The following DENND3 variants were observed in gnomAD, a reference collection of about 807,000 sequenced individuals.
DENND3 encodes DENN domain containing 3.
Under a neutral mutation model 135.1 loss-of-function variants are expected in DENND3, and 88 were observed. The observed-to-expected ratio is 0.65, with a 90% CI of 0.55 to 0.78. The LOEUF (loss-of-function observed/expected upper bound fraction) is 0.78, where lower values mean the gene tolerates loss of function less well. Ranked by LOEUF, DENND3 falls within the 30% of genes least tolerant of loss-of-function variation. The pLI, the probability that DENND3 is intolerant of heterozygous loss-of-function variation, is 0.00. For synonymous variants in DENND3, 693 were observed against 712.3 expected (o/e 0.97, Z 0.43); for missense variants, 1,392 against 1,688.4 (o/e 0.82, Z 3.08).
rs1379103579 is a variant in DENND3 at position 141,130,137 on chromosome 8, G to A, written c.102+1328G>A. ...TTTCCTCTGGGGCAGTTACAACATG[G>A]GTGTTAGTTGCTTGGTGTGACACAT... On this transcript the variant is annotated intron_variant, in intron 1 of 22. Transcript: ENST00000519811. This position sits in a 1 kb window ranked among gnomAD's most constrained non-coding sequence, Gnocchi z 4.2. Among the ~76,000 whole-genome samples, 3 of 152,178 alleles carry A rather than the reference G, an allele frequency of 2.0e-5. No individual in the cohort carries two copies. In the East Asian group the frequency reaches 5.8e-4, roughly 29 times the overall value.
rs539980385 is a variant in DENND3, at chr8:141,137,876, C to T, written c.386-146C>T. On this transcript the variant is annotated intron_variant, in intron 2 of 22. Transcript: ENST00000519811. The surrounding 1 kb of genome is among the most constrained non-coding windows in gnomAD (Gnocchi z 4.1). ...GAGGATAGACGGCCGGAGGCGTGAT[C>T]GGAAGAATGAACCCGCCTTGGACAT... 992 of 713,392 alleles carry T rather than the reference C, an allele frequency of 1.4e-3. 3 individuals are homozygous for T. The highest frequency in any genetic ancestry group is 2.6e-3 in the Middle Eastern group (7 of 2,662). The allele number at this position is 713,392 out of a possible 1,614,324, so 44.2% of individuals were successfully genotyped here.
chr8:141,159,432 C>G (rs991965180), intron 8 of DENND3, among the ~76,000 whole-genome samples: 6 of 152,240 alleles, frequency 3.9e-5, no homozygotes, highest in African/African-American at 1.4e-4. Context: ...GTCACATCTC[C>G]GGTTCCAGGT....
Position 141,128,598 on chromosome 8 carries a change from G to T in DENND3, c.-110G>T, listed in dbSNP as rs1340151675. On this transcript the variant is annotated 5_prime_UTR_variant, in exon 1 of 23. Transcript: ENST00000519811. The surrounding 1 kb of genome is among the most constrained non-coding windows in gnomAD (Gnocchi z 4.5). ...CCTCCAGCCCCGCCCCGCAGACGGC[G>T]CTCGCAGCGCCCCCGGCCCCCAGGC... is the stretch of plus-strand genomic sequence containing the variant. 1 of 518,464 alleles carries T rather than the reference G, an allele frequency of 1.9e-6. No homozygotes were observed. The highest frequency in any genetic ancestry group is 2.7e-6 in the Non-Finnish European group (1 of 374,184). The allele number at this position is 518,464 out of a possible 1,614,324, so 32.1% of individuals were successfully genotyped here.
chr8:141,178,248 A>C, intron 16 of DENND3, 52 bp downstream of exon 16: 1 of 1,572,944 alleles, frequency 6.4e-7, no homozygotes, highest in Non-Finnish European at 8.7e-7. Context: ...ACACGCCTTA[A>C]GTGATTTTAT....
chr8:141,132,883 A>G (rs754072288), intron 1 of DENND3, among the ~76,000 whole-genome samples: 14 of 152,208 alleles, frequency 9.2e-5, no homozygotes, highest in Non-Finnish European at 1.5e-4. Context: ...GCATGCCTCT[A>G]AGAGATCACC....
chr8:141,181,164 CTCTT>C (rs1438365348), intron 17 of DENND3, among the ~76,000 whole-genome samples: 5 of 152,178 alleles, frequency 3.3e-5, no homozygotes, highest in Non-Finnish European at 5.9e-5. Context: ...GTCACGCTAG[CTCTT>C]TCTTTTTTTG....
intron 4 of DENND3, among the ~76,000 whole-genome samples, chr8:141,143,305 GT>G (rs1419122722): frequency 2.6e-5 from 4 of 152,136 alleles, no homozygotes; most frequent in Admixed American, 6.5e-5. Context: ...AAGTTCTAGG[GT>G]ACATGTGCAC....
rs895427432 is a variant in DENND3 at position 141,182,848 on chromosome 8, T to A, written c.2944+1994T>A. ...ACCAGCCCTGAGGCCAGGCCACAGG[T>A]CAGCTCAGGCTCTGCCCATGGGGAG... On this transcript the variant is annotated intron_variant, in intron 17 of 22. Transcript: ENST00000519811. The surrounding 1 kb of genome is among the most constrained non-coding windows in gnomAD (Gnocchi z 5.9). 5.9e-5 allele frequency among the ~76,000 whole-genome samples: 9 copies of A among 152,146 alleles called. No individual in the cohort carries two copies. Among genetic ancestry groups the A allele is most frequent in the Non-Finnish European group, 2.9e-5 (2 of 68,016 alleles).
Position 141,194,018 on chromosome 8 carries a change from G to A in DENND3, c.3637-15G>A, listed in dbSNP as rs560143201. 17 of 1,612,086 alleles carry A rather than the reference G, an allele frequency of 1.1e-5. No individual in the cohort carries two copies. Among genetic ancestry groups the A allele is most frequent in the East Asian group, 2.2e-5 (1 of 44,852 alleles). ...GCTTCTTTCCCTGCTGACCCCTCCC[G>A]TTTCTCCCTGGCAGGTCTGGGTGGG... On this transcript the variant is annotated splice_polypyrimidine_tract_variant and intron_variant, in intron 22 of 22. Transcript: ENST00000519811.
chr8:141,140,136 C>T (rs1161206543), intron 3 of DENND3, among the ~76,000 whole-genome samples: 1 of 152,104 alleles, frequency 6.6e-6, no homozygotes, highest in East Asian at 1.9e-4. Context: ...TGATCTTGAA[C>T]TACTGGAATC....
intron 16 of DENND3, among the ~76,000 whole-genome samples, chr8:141,179,612 C>T (rs1822831310): frequency 6.6e-6 from 1 of 152,208 alleles, no homozygotes; most frequent in Non-Finnish European, 1.5e-5. Flanking sequence ...TTAAATAATA[C>T]CCGAAGATGT....
At chr8:141,143,695 C>T (rs144103853) in intron 4 of DENND3, among the ~76,000 whole-genome samples, 8 of 152,126 alleles carry the variant, frequency 5.3e-5, no homozygotes, top group African/African-American at 9.7e-5. Context: ...TGTGAGCCAC[C>T]GCACCCACCC....
rs1204858293 is a variant in DENND3, at chr8:141,167,505, T to C, written c.1754-499T>C. Among the ~76,000 whole-genome samples, 1 of 152,194 alleles carries C rather than the reference T, an allele frequency of 6.6e-6. No individual in the cohort carries two copies. The highest frequency in any genetic ancestry group is 1.5e-5 in the Non-Finnish European group (1 of 68,032). On this transcript the variant is annotated intron_variant, in intron 12 of 22. Coordinates refer to ENST00000519811, the MANE Select transcript of DENND3 (RefSeq NM_001352890.3). The surrounding 1 kb of genome is among the most constrained non-coding windows in gnomAD (Gnocchi z 4.1). Reference sequence around the variant, plus strand: ...AAGGAGTTGGTGTGAGACACACACCTGGTTGAAGTGTGGCTCAGGCACTTA... The same window carrying C: ...AAGGAGTTGGTGTGAGACACACACCCGGTTGAAGTGTGGCTCAGGCACTTA...
At chr8:141,156,824 C>G (rs1202021374) in intron 8 of DENND3, among the ~76,000 whole-genome samples, 3 of 143,222 alleles carry the variant, frequency 2.1e-5, no homozygotes, top group African/African-American at 7.9e-5. Flanking sequence ...TGGAGTCTCG[C>G]ACTGTTGCCC....
At chr8:141,165,337 T>C in intron 11 of DENND3, 48 bp downstream of exon 11, 5 of 1,467,072 alleles carry the variant, frequency 3.4e-6, no homozygotes, top group Non-Finnish European at 4.8e-6. Context: ...GGAATCACAG[T>C]GTTCAAGGAC....
chr8:141,161,914 C>T (rs1464566668), intron 9 of DENND3, among the ~76,000 whole-genome samples: 2 of 151,562 alleles, frequency 1.3e-5, no homozygotes, highest in Admixed American at 1.3e-4. Context: ...AATTCTCCTG[C>T]CTCGGCCTCT....
At position 141,194,042 on chromosome 8, in the gene DENND3, G is replaced by C; in HGVS notation, c.3646G>C (p.Gly1216Arg). The C allele has an allele frequency of 6.2e-7, 1 of 1,613,432 alleles. No homozygotes were observed. The change falls in exon 23 of 23, where the codon GGC becomes CGC. Residue 1216 changes from glycine (G) to arginine (R), a missense_variant. Gly to Arg is a moderately radical substitution (Grantham distance 125). Coordinates refer to ENST00000519811, the MANE Select transcript of DENND3 (RefSeq NM_001352890.3). ...MIRVKKQVWV[G>R]SRGLGQGTPK... is the part of the protein sequence containing the mutation. Reference sequence around the variant, plus strand: ...CGTTTCTCCCTGGCAGGTCTGGGTGGGCAGCCGAGGGCTGGGGCAGGGAAC... The same window carrying C: ...CGTTTCTCCCTGGCAGGTCTGGGTGCGCAGCCGAGGGCTGGGGCAGGGAAC...
In DENND3 at chr8:141,166,245, C is replaced by T. The variant is rs753266446; in HGVS notation, c.1609C>T (p.Arg537Trp). The T allele has an allele frequency of 6.3e-5, 101 of 1,614,042 alleles. No individual in the cohort carries two copies. Among genetic ancestry groups the T allele is most frequent in the Admixed American group, 1.2e-4 (7 of 60,008 alleles). ...ACCGACCGTTGAGAAAAGAGCCTCC[C>T]GGAAGTCCTCGCACCTGCATGTCAC... ...RRPTVEKRAS[R>W]KSSHLHVTHR... is the part of the protein sequence containing the mutation. Residue 537 changes from arginine to tryptophan, a missense_variant, in exon 12 of 23, where the codon CGG becomes TGG. Transcript: ENST00000519811. This position sits in a 1 kb window ranked among gnomAD's most constrained non-coding sequence, Gnocchi z 4.3.
chr8:141,190,505 T>C, intron 20 of DENND3, 88 bp downstream of exon 20: 1 of 1,447,800 alleles, frequency 6.9e-7, no homozygotes. Context: ...GCCTCTTTCC[T>C]TTGCTTCACG....
Sources: allele counts gnomAD v4.1 joint callset (sites outside exome capture counted in the v4.1 genomes callset), GRCh38; gene constraint gnomAD v4.1.1; non-coding constraint Gnocchi (gnomAD v3.1); transcripts MANE v1.5; gene names NCBI Gene and HGNC (gene_info 2026-07-23, HGNC 2026-07-21).